Variants in PRICKLE1 observed in about 807,000 individuals in gnomAD.
PRICKLE1 encodes the protein prickle-like protein 1.
A neutral mutation model predicts 70.2 loss-of-function variants in PRICKLE1; 14 were observed. The observed-to-expected ratio is 0.20, with a 90% CI of 0.13 to 0.31. PRICKLE1 has a LOEUF of 0.31. PRICKLE1 is among the 10% of genes least tolerant of loss of function. The probability of loss-of-function intolerance (pLI) is 1.00; values close to 1 mark genes in which losing one functional copy is unlikely to be tolerated. For missense variants in PRICKLE1, 821 were observed against 1,026.2 expected (o/e 0.80, Z 2.73); for synonymous variants, 357 against 379.9 (o/e 0.94, Z 0.70).
intron 2 of PRICKLE1, 44 bp from the exon 3 acceptor site, chr12:42,470,403 G>T: frequency 8.0e-7 from 1 of 1,250,380 alleles, no homozygotes; most frequent in Non-Finnish European, 1.2e-6. Context: ...ACAGAACTGA[G>T]CATCTCAGCT....
chr12:42,494,265 T>C (rs1007118629), intron 1 of PRICKLE1, among the ~76,000 whole-genome samples: 2 of 152,198 alleles, frequency 1.3e-5, no homozygotes, highest in African/African-American at 2.4e-5. Flanking sequence ...ATGATGAAGT[T>C]TGCTGCATCA....
chr12:42,538,123 T>C (rs1940045962), intron 1 of PRICKLE1, among the ~76,000 whole-genome samples: 2 of 152,190 alleles, frequency 1.3e-5, no homozygotes. Flanking sequence ...GAGACCAACC[T>C]GGGCAACATA....
intron 1 of PRICKLE1, among the ~76,000 whole-genome samples, chr12:42,488,046 CATAA>C (rs1939020880): frequency 6.6e-6 from 1 of 151,944 alleles, no homozygotes; most frequent in Non-Finnish European, 1.5e-5. Context: ...GTCTCCAAAA[CATAA>C]ATAAATAAAA....
At chr12:42,485,471 G>T (rs933944764) in intron 1 of PRICKLE1, 2 of 152,134 alleles carry the variant, frequency 1.3e-5, no homozygotes, top group African/African-American at 4.8e-5. Flanking sequence ...TTTGTGGGAA[G>T]ACTTCAAAGG....
rs890597758 is a variant in PRICKLE1 at position 42,581,623 on chromosome 12, T to C, written c.-49+7842A>G. ...TTAGCCAGGCGTGGTGGCATATGCC[T>C]GTAATCCCAGCTACTTGGGAGGCTG... On this transcript the variant is annotated intron_variant, in intron 1 of 7. Coordinates refer to ENST00000345127, the MANE Select transcript of PRICKLE1 (RefSeq NM_153026.3). 3.3e-5 allele frequency among the ~76,000 whole-genome samples: 5 copies of C among 151,942 alleles called. No individual in the cohort carries two copies. In the South Asian group the frequency reaches 1.0e-3, roughly 32 times the overall value.
At chr12:42,516,586 GTTA>G (rs1284182227) in intron 1 of PRICKLE1, among the ~76,000 whole-genome samples, 2 of 152,034 alleles carry the variant, frequency 1.3e-5, no homozygotes, top group Non-Finnish European at 1.5e-5. Context: ...TGTTTTAACT[GTTA>G]TTATCTTTGT....
intron 1 of PRICKLE1, among the ~76,000 whole-genome samples, chr12:42,568,663 T>G (rs905273681): frequency 1.3e-5 from 2 of 152,210 alleles, no homozygotes; most frequent in Non-Finnish European, 2.9e-5. Flanking sequence ...AAAACTATCA[T>G]AATTCAGAAG....
At chr12:42,497,417 T>C (rs547973373) in intron 1 of PRICKLE1, among the ~76,000 whole-genome samples, 6 of 151,878 alleles carry the variant, frequency 4.0e-5, no homozygotes, top group South Asian at 2.1e-4. Context: ...GGCGTGGTGG[T>C]GGGTGCCTGT....
In PRICKLE1 at chr12:42,464,357, C is replaced by T. The variant is rs1340638765; in HGVS notation, c.1639+38G>A. On this transcript the variant is annotated intron_variant, in intron 7 of 7. Coordinates refer to ENST00000345127, the MANE Select transcript of PRICKLE1 (RefSeq NM_153026.3). The surrounding 1 kb of genome is among the most constrained non-coding windows in gnomAD (Gnocchi z 4.2). ...TTTTTGAATACACTTTTTAGTAGCT[C>T]CTTTTTTCAAATACCCCATAATCCC... 1.2e-6 allele frequency: 2 copies of T among 1,613,610 alleles called. No homozygotes were observed. The highest frequency in any genetic ancestry group is 2.2e-5 in the South Asian group (2 of 90,942).
In PRICKLE1 at chr12:42,460,303, A is replaced by T. The variant is rs794727934; in HGVS notation, c.2002T>A (p.Ser668Thr). ...RRVYNFEERG[S>T]RSHHHRRRRS... ...CGGCGGCGGTGGTGATGAGACCTGG[A>T]TCCCCTCTCTTCAAAATTGTAGACG... Residue 668 changes from serine (S) to threonine (T), a missense_variant, in exon 8 of 8, where the codon TCC (serine) becomes ACC (threonine). Coordinates refer to ENST00000345127, the MANE Select transcript of PRICKLE1 (RefSeq NM_153026.3). The T allele has an allele frequency of 6.2e-7, 1 of 1,613,906 alleles. No homozygotes were observed. The highest frequency in any genetic ancestry group is 8.5e-7 in the Non-Finnish European group (1 of 1,180,022).
chr12:42,472,577 T>C lies in PRICKLE1; in HGVS notation c.-48-13A>G. 1 of 1,608,958 alleles carries C rather than the reference T, an allele frequency of 6.2e-7. No individual in the cohort carries two copies. Among genetic ancestry groups the C allele is most frequent in the Non-Finnish European group, 8.5e-7 (1 of 1,175,948 alleles). On this transcript the variant is annotated splice_polypyrimidine_tract_variant and intron_variant, in intron 1 of 7. Transcript: ENST00000345127. The stretch of plus-strand genomic sequence containing the variant: ...CAAACAATGGCTGCTGTGAACAATA[T>C]AAGAAAAAACAAAGACATCTAAAAC...
At chr12:42,489,958 G>C (rs1238155067) in intron 1 of PRICKLE1, 1 of 152,280 alleles carries the variant, frequency 6.6e-6, no homozygotes, top group African/African-American at 2.4e-5. Flanking sequence ...GGGCACCACT[G>C]TTCGACCTAG....
intron 1 of PRICKLE1, among the ~76,000 whole-genome samples, chr12:42,568,453 G>A (rs1019966776): frequency 1.3e-5 from 2 of 152,222 alleles, no homozygotes; most frequent in African/African-American, 4.8e-5. Context: ...GGGAGTATGG[G>A]CGTGAGCCAC....
At chr12:42,482,709 G>C (rs1938839391) in intron 1 of PRICKLE1, 1 of 152,288 alleles carries the variant, frequency 6.6e-6, no homozygotes, top group African/African-American at 2.4e-5. Context: ...GGCTTATAAG[G>C]ACACAGACTA....
At chr12:42,563,114 C>T (rs192136428) in intron 1 of PRICKLE1, among the ~76,000 whole-genome samples, 211 of 151,430 alleles carry the variant, frequency 1.4e-3, no homozygotes, top group African/African-American at 4.8e-3. Context: ...GTCCGGGAGA[C>T]GGAGGTTGCA....
chr12:42,480,063 C>T (rs1365435157), intron 1 of PRICKLE1, among the ~76,000 whole-genome samples: 1 of 152,156 alleles, frequency 6.6e-6, no homozygotes, highest in Non-Finnish European at 1.5e-5. Context: ...TCATTTTGAG[C>T]ACAGTAGAAA....
intron 1 of PRICKLE1, among the ~76,000 whole-genome samples, chr12:42,573,337 G>A (rs996138879): frequency 2.6e-5 from 4 of 152,040 alleles, no homozygotes; most frequent in East Asian, 1.9e-4. Context: ...ACAATTCTGC[G>A]CTGGGCTGCT....
chr12:42,527,289 T>TAA lies in PRICKLE1; in HGVS notation c.-48-54726_-48-54725insTT, dbSNP rs141376491. 7.6e-3 allele frequency among the ~76,000 whole-genome samples: 1,151 copies of TAA among 152,078 alleles called. 38 individuals are homozygous for TAA. The East Asian group carries it at 0.09, about 12-fold the overall frequency. The stretch of plus-strand genomic sequence containing the variant: ...CTGGGACTACAGGTGCGCTCCACCA[T>TAA]ACCTGGCTAATTTTTGTATTTTTAG... On this transcript the variant is annotated intron_variant, in intron 1 of 7. Transcript: ENST00000345127.
intron 1 of PRICKLE1, among the ~76,000 whole-genome samples, chr12:42,569,992 C>G (rs910006853): frequency 2.0e-5 from 3 of 152,182 alleles, no homozygotes; most frequent in Non-Finnish European, 4.4e-5. Flanking sequence ...AATCAATGTC[C>G]CAGCGTGATG....
Sources: allele counts gnomAD v4.1 joint callset (sites outside exome capture counted in the v4.1 genomes callset), GRCh38; gene constraint gnomAD v4.1.1; non-coding constraint Gnocchi (gnomAD v3.1); transcripts MANE v1.5; gene names NCBI Gene and HGNC (gene_info 2026-07-23, HGNC 2026-07-21).